RANBP2: variants seen among roughly 807,000 people sequenced by gnomAD.
RANBP2 encodes the protein RAN binding protein 2.
Under a neutral mutation model 303.6 loss-of-function variants are expected in RANBP2, and 57 were observed. The observed-to-expected ratio is 0.19, with a 90% CI of 0.15 to 0.23. RANBP2 has a LOEUF of 0.23. Ranked by LOEUF, RANBP2 falls within the 10% of genes least tolerant of loss-of-function variation. The pLI is 1.00. For missense variants in RANBP2, 3,138 were observed against 3,780.8 expected (o/e 0.83, Z 4.46); for synonymous variants, 1,167 against 1,301.5 (o/e 0.90, Z 2.23).
chr2:108,727,394 G>T (rs925746428), intron 1 of RANBP2, among the ~76,000 whole-genome samples: 2 of 152,198 alleles, frequency 1.3e-5, no homozygotes, highest in East Asian at 3.8e-4. Flanking sequence ...CAGCCATAGT[G>T]TGTGATAAGT....
the RANBP2 span, among the ~76,000 whole-genome samples, chr2:109,687,742 T>A: frequency 9.4e-5 from 6 of 63,798 alleles, no homozygotes; most frequent in Non-Finnish European, 1.6e-4. Flanking sequence ...GGTCAGGGGA[T>A]TTTTTTTTTT....
the RANBP2 span, among the ~76,000 whole-genome samples, chr2:108,864,564 A>G: frequency 2.0e-5 from 3 of 151,986 alleles, no homozygotes; most frequent in African/African-American, 7.2e-5. Context: ...TTGGGAGGCC[A>G]AGGCGGGCAG....
At chr2:108,803,283 G>C in the RANBP2 span, among the ~76,000 whole-genome samples, 7 of 152,348 alleles carry the variant, frequency 4.6e-5, no homozygotes, top group African/African-American at 1.4e-4. Flanking sequence ...GTAAACACCA[G>C]AGTGAGAGGA....
At chr2:109,501,615 C>T in the RANBP2 span, 3 of 778,962 alleles carry the variant, frequency 3.9e-6, no homozygotes, top group Admixed American at 1.7e-5. Flanking sequence ...CAAGGGGACC[C>T]TGCAGCGGAA....
the RANBP2 span, among the ~76,000 whole-genome samples, chr2:109,274,141 C>T: frequency 6.6e-5 from 10 of 152,260 alleles, no homozygotes; most frequent in South Asian, 2.1e-3. Flanking sequence ...ACTTGTAGTT[C>T]TGGAAATCTT....
At chr2:108,883,095 ATCC>A in the RANBP2 span, 6 of 152,200 alleles carry the variant, frequency 3.9e-5, no homozygotes, top group African/African-American at 1.4e-4. Context: ...ATTTCAACCC[ATCC>A]TCTATATTTT....
At chr2:109,138,409 G>A in the RANBP2 span, among the ~76,000 whole-genome samples, 1 of 152,218 alleles carries the variant, frequency 6.6e-6, no homozygotes, top group Non-Finnish European at 1.5e-5. Context: ...AAAAGGCTTG[G>A]GAGTTTAGCT....
the RANBP2 span, among the ~76,000 whole-genome samples, chr2:109,679,897 T>TG: frequency 3.8e-4 from 58 of 152,336 alleles, no homozygotes; most frequent in African/African-American, 1.0e-3. Flanking sequence ...TGACACTGTT[T>TG]GACCCTGAGA....
the RANBP2 span, among the ~76,000 whole-genome samples, chr2:108,855,351 T>A: frequency 1.3e-5 from 2 of 152,200 alleles, no homozygotes; most frequent in Admixed American, 6.5e-5. Context: ...GTATTCAACC[T>A]GTTTAATCTT....
At chr2:109,391,113 G>A in the RANBP2 span, among the ~76,000 whole-genome samples, 4 of 152,170 alleles carry the variant, frequency 2.6e-5, no homozygotes, top group East Asian at 1.9e-4. Context: ...CATTCGCTCC[G>A]ACTCCCTCCT....
At chr2:109,038,500 C>T in the RANBP2 span, among the ~76,000 whole-genome samples, 1 of 151,864 alleles carries the variant, frequency 6.6e-6, no homozygotes, top group East Asian at 1.9e-4. Flanking sequence ...AGTCATAACC[C>T]GGTCTCTAAA....
At chr2:109,717,272 C>A in the RANBP2 span, among the ~76,000 whole-genome samples, 23,434 of 124,768 alleles carry the variant, frequency 0.19, 2,491 homozygotes, top group East Asian at 0.32. Context: ...AAAAACAAAC[C>A]AAAAAAAAAA....
chr2:108,996,614 C>G, the RANBP2 span, among the ~76,000 whole-genome samples: 3 of 152,166 alleles, frequency 2.0e-5, no homozygotes, highest in East Asian at 3.9e-4. Context: ...TCCATTCCCC[C>G]CTGCCCATGA....
chr2:108,939,622 A>C, the RANBP2 span, among the ~76,000 whole-genome samples: 1 of 152,206 alleles, frequency 6.6e-6, no homozygotes, highest in Admixed American at 6.5e-5. Flanking sequence ...TAGGAAGTGC[A>C]GTCACAGTGT....
At chr2:108,798,708 TACACACAC>T in the RANBP2 span, 1,324 of 425,580 alleles carry the variant, frequency 3.1e-3, no homozygotes, top group African/African-American at 5.6e-3. Flanking sequence ...TCTCCACGCC[TACACACAC>T]ACACACACAC....
the RANBP2 span, among the ~76,000 whole-genome samples, chr2:109,468,530 A>G: frequency 3.9e-5 from 6 of 152,136 alleles, no homozygotes; most frequent in African/African-American, 1.4e-4. Flanking sequence ...CCTGGCAAGA[A>G]GCGAGCACAA....
the RANBP2 span, among the ~76,000 whole-genome samples, chr2:108,935,683 G>A: frequency 1.0e-3 from 153 of 152,146 alleles, no homozygotes; most frequent in Non-Finnish European, 1.6e-3. Flanking sequence ...ACTAGACACC[G>A]ATTCCCTTAA....
At chr2:109,627,058 C>G in the RANBP2 span, among the ~76,000 whole-genome samples, 19 of 152,110 alleles carry the variant, frequency 1.2e-4, no homozygotes, top group Non-Finnish European at 4.4e-5. Flanking sequence ...ATCCAAGCTA[C>G]TTGGGAGGCT....
At chr2:108,937,556 TTA>T in the RANBP2 span, among the ~76,000 whole-genome samples, 7 of 151,854 alleles carry the variant, frequency 4.6e-5, no homozygotes, top group South Asian at 2.1e-4. Flanking sequence ...TGTGTGAATG[TTA>T]TGTGTGTGTG....
Sources: gnomAD v4.1 joint callset for allele counts (sites outside exome capture counted in the v4.1 genomes callset) on GRCh38, gnomAD v4.1.1 for gene constraint, MANE v1.5 for transcripts, NCBI Gene and HGNC (gene_info 2026-07-23, HGNC 2026-07-21) for gene names.